TMEM236: variants seen among roughly 807,000 people sequenced by gnomAD.
TMEM236 encodes the protein transmembrane protein 236.
Under a neutral mutation model 14.7 loss-of-function variants are expected in TMEM236, and 11 were observed. That is an observed-to-expected ratio of 0.75 (90% CI 0.47 to 1.24). The LOEUF is 1.24. TMEM236 is among the 50% of genes most tolerant of loss of function. TMEM236 has a pLI of 0.00. For synonymous variants in TMEM236, 182 were observed against 168.6 expected, an observed-to-expected ratio of 1.08 and a Z score of -0.62; for missense variants, 464 against 427.3, an observed-to-expected ratio of 1.09 and a Z score of -0.76.
At chr10:17,789,311 C>T (rs1172852613) in intron 3 of TMEM236, among the ~76,000 whole-genome samples, 2 of 152,170 alleles carry the variant, frequency 1.3e-5, no homozygotes, top group African/African-American at 4.8e-5. Flanking sequence ...TATAGTGTAA[C>T]TATAGCCAAA....
rs1232001553 is a variant in TMEM236 at position 17,785,909 on chromosome 10, T to C, written c.472+9739T>C. 6.6e-5 allele frequency among the ~76,000 whole-genome samples: 10 copies of C among 152,268 alleles called. No individual in the cohort carries two copies. The South Asian group carries it at 1.9e-3, about 28-fold the overall frequency. On this transcript the variant is annotated intron_variant, in intron 3 of 3. Coordinates refer to ENST00000377495, the MANE Select transcript of TMEM236 (RefSeq NM_001098844.3). The stretch of plus-strand genomic sequence containing the variant: ...AGGATTTCTGATTTATATCTTCTAA[T>C]GAAGTGCCAGCTGTCTGGATTAGAC...
intron 1 of TMEM236, among the ~76,000 whole-genome samples, chr10:17,758,824 C>A (rs1192426841): frequency 1.3e-5 from 2 of 152,066 alleles, no homozygotes; most frequent in Non-Finnish European, 2.9e-5. Flanking sequence ...GAATGAACAC[C>A]AGAATGGTGA....
chr10:17,785,506 CTT>C (rs1837819493), intron 3 of TMEM236, among the ~76,000 whole-genome samples: 2 of 151,902 alleles, frequency 1.3e-5, no homozygotes, highest in Non-Finnish European at 2.9e-5. Context: ...ACTCATGACA[CTT>C]TTACCAAATA....
chr10:17,775,389 C>T (rs1837643189), intron 2 of TMEM236, among the ~76,000 whole-genome samples: 1 of 152,200 alleles, frequency 6.6e-6, no homozygotes, highest in African/African-American at 2.4e-5. Flanking sequence ...ATCCTCCCAT[C>T]TCAGCCTCTC....
At position 17,795,921 on chromosome 10, in the gene TMEM236, G is replaced by T; in HGVS notation, c.473G>T (p.Ser158Ile). 1.2e-6 allele frequency: 2 copies of T among 1,613,740 alleles called. No homozygotes were observed. The highest frequency in any genetic ancestry group is 2.2e-5 in the East Asian group (1 of 44,884). ...ATGTAAATAAATCTGTTAATTGCAGGTAGTGAAAATGGACACATCCATTCA... is the reference window on the plus strand; with the variant it reads ...ATGTAAATAAATCTGTTAATTGCAGTTAGTGAAAATGGACACATCCATTCA... ...RIYPLRGSQK[S>I]SENGHIHSTS... Residue 158 changes from serine to isoleucine, a missense_variant and splice_region_variant, in exon 4 of 4, where the codon AGT becomes ATT. Ser to Ile is a moderately radical substitution (Grantham distance 142, BLOSUM62 -2). Coordinates refer to ENST00000377495, the MANE Select transcript of TMEM236 (RefSeq NM_001098844.3).
chr10:17,757,509 C>T (rs902459198), intron 1 of TMEM236, among the ~76,000 whole-genome samples: 2,239 of 150,912 alleles, frequency 0.015, 52 homozygotes, highest in African/African-American at 0.051. Context: ...TAAAGGGGGA[C>T]GATCACTTGA....
intron 3 of TMEM236, among the ~76,000 whole-genome samples, chr10:17,781,249 T>C (rs2131757273): frequency 6.6e-6 from 1 of 152,270 alleles, no homozygotes; most frequent in Middle Eastern, 3.4e-3. Context: ...AGGAAAACCT[T>C]ACCAAGGACT....
At chr10:17,761,801 A>T (rs1837368433) in intron 1 of TMEM236, among the ~76,000 whole-genome samples, 1 of 152,082 alleles carries the variant, frequency 6.6e-6, no homozygotes. Context: ...TATTCCACAG[A>T]ATCCTGGAGC....
intron 3 of TMEM236, among the ~76,000 whole-genome samples, chr10:17,792,478 A>G (rs1386886337): frequency 1.3e-5 from 2 of 152,250 alleles, no homozygotes; most frequent in Non-Finnish European, 2.9e-5. Flanking sequence ...AATTGTTATC[A>G]TGTGCCTTTG....
chr10:17,790,902 T>C (rs1589153057), intron 3 of TMEM236, among the ~76,000 whole-genome samples: 1 of 152,234 alleles, frequency 6.6e-6, no homozygotes, highest in East Asian at 1.9e-4. Flanking sequence ...CTCTGCTGAC[T>C]TCTGTGTCTT....
At chr10:17,791,209 C>G (rs1837918812) in intron 3 of TMEM236, among the ~76,000 whole-genome samples, 1 of 151,712 alleles carries the variant, frequency 6.6e-6, no homozygotes, top group African/African-American at 2.4e-5. Context: ...CGTTGGGAGG[C>G]TGAGGCAGGA....
At chr10:17,764,948 G>A (rs1837438261) in intron 1 of TMEM236, among the ~76,000 whole-genome samples, 1 of 149,154 alleles carries the variant, frequency 6.7e-6, no homozygotes, top group African/African-American at 2.5e-5. Context: ...CAGCCTCCCG[G>A]GTAGCTGGGA....
At chr10:17,785,556 A>G (rs925343385) in intron 3 of TMEM236, among the ~76,000 whole-genome samples, 3 of 152,176 alleles carry the variant, frequency 2.0e-5, no homozygotes, top group Non-Finnish European at 2.9e-5. Context: ...AAGGAAACAA[A>G]CAAACAAAAA....
At chr10:17,769,663 T>G (rs887068950) in intron 1 of TMEM236, among the ~76,000 whole-genome samples, 2 of 152,164 alleles carry the variant, frequency 1.3e-5, no homozygotes, top group Non-Finnish European at 2.9e-5. Context: ...AAGCTACCAG[T>G]TGAAAATTCC....
intron 3 of TMEM236, among the ~76,000 whole-genome samples, chr10:17,781,522 G>GA (rs1228852660): frequency 6.6e-6 from 1 of 152,014 alleles, no homozygotes; most frequent in African/African-American, 2.4e-5. Flanking sequence ...GGGTGGGGGG[G>GA]ATCACCTGAG....
chr10:17,796,142 G>A lies in TMEM236; in HGVS notation c.694G>A (p.Asp232Asn), dbSNP rs1233434872. 1 of 1,613,962 alleles carries A rather than the reference G, an allele frequency of 6.2e-7. No individual in the cohort carries two copies. The highest frequency in any genetic ancestry group is 8.5e-7 in the Non-Finnish European group (1 of 1,179,854). Residue 232 changes from aspartate to asparagine, a missense_variant, in exon 4 of 4, where the codon GAT becomes AAT. By Grantham distance (23) the Asp-to-Asn change is conservative. Transcript: ENST00000377495. ...AATCCTGAGAATGATGTCCCGGCGA[G>A]ATGTCCGGGCAGAGTTATTCTTATG... ...SGILRMMSRR[D>N]VRAELFLWSF...
rs1837222199 is a variant in TMEM236 at position 17,752,393 on chromosome 10, C to T, written c.98C>T (p.Thr33Ile). Residue 33 changes from threonine to isoleucine, a missense_variant, in exon 1 of 4, where the codon ACC becomes ATC. Transcript: ENST00000377495. ...PTLVITEQFA[T>I]AYQGTRARSD... is the part of the protein sequence containing the mutation. ...CTCGTGATCACAGAACAGTTTGCCA[C>T]CGCCTACCAAGGAACAAGGGCTAGA... The T allele has an allele frequency of 3.7e-6, 6 of 1,613,780 alleles. No individual in the cohort carries two copies. The South Asian group carries it at 5.5e-5, about 15-fold the overall frequency.
intron 1 of TMEM236, among the ~76,000 whole-genome samples, chr10:17,767,345 C>A (rs1837484305): frequency 6.6e-6 from 1 of 152,130 alleles, no homozygotes; most frequent in Non-Finnish European, 1.5e-5. Flanking sequence ...CCTGTGATCC[C>A]AGCTACTCAG....
intron 1 of TMEM236, among the ~76,000 whole-genome samples, chr10:17,762,264 G>C (rs1837377705): frequency 6.6e-6 from 1 of 152,066 alleles, no homozygotes; most frequent in African/African-American, 2.4e-5. Flanking sequence ...AATGGGCAGA[G>C]TTCCATCAAC....
Sources: allele counts gnomAD v4.1 joint callset (sites outside exome capture counted in the v4.1 genomes callset), GRCh38; gene constraint gnomAD v4.1.1; transcripts MANE v1.5; gene names NCBI Gene and HGNC (gene_info 2026-07-23, HGNC 2026-07-21).